Variants in COL6A6 observed in about 807,000 individuals in gnomAD.
The protein encoded by COL6A6 is collagen alpha-6(VI) chain.
A neutral mutation model predicts 208.6 loss-of-function variants in COL6A6; 183 were observed. That is an observed-to-expected ratio of 0.88 (90% confidence interval 0.78 to 0.99). The LOEUF is 0.99. COL6A6 is among the 50% of genes least tolerant of loss of function. COL6A6 has a pLI of 0.00. For missense variants in COL6A6, 2,816 were observed against 2,815.2 expected (o/e 1.00, Z -0.01); for synonymous variants, 973 against 1,011.8 (o/e 0.96, Z 0.73).
At chr3:130,524,531 C>T (rs1473204022) in intron 1 of COL6A6, among the ~76,000 whole-genome samples, 1 of 151,876 alleles carries the variant, frequency 6.6e-6, no homozygotes, top group Non-Finnish European at 1.5e-5. Flanking sequence ...TGTTGGAGTC[C>T]CACCTCATTT....
chr3:130,615,091 C>T lies in COL6A6; in HGVS notation c.4815+4380C>T, dbSNP rs563260743. Among the ~76,000 whole-genome samples, 61 of 152,066 alleles carry T rather than the reference C, an allele frequency of 4.0e-4. 1 individual carries two copies. Among genetic ancestry groups the T allele is most frequent in the African/African-American group, 1.4e-3 (60 of 41,540 alleles). Reference sequence around the variant, plus strand: ...TGCATTTATTGCTATAAACTTCCCTCTTAACACTGCCTTATCTGCGTCCCA... The same window carrying T: ...TGCATTTATTGCTATAAACTTCCCTTTTAACACTGCCTTATCTGCGTCCCA... On this transcript the variant is annotated intron_variant, in intron 23 of 36. Coordinates refer to ENST00000358511, the MANE Select transcript of COL6A6 (RefSeq NM_001102608.3).
intron 25 of COL6A6, among the ~76,000 whole-genome samples, chr3:130,626,886 A>C (rs989144833): frequency 6.6e-6 from 1 of 152,260 alleles, no homozygotes; most frequent in East Asian, 1.9e-4. Context: ...CCCACTGCTC[A>C]GGGTTTCTAC....
chr3:130,559,343 C>T (rs1323850634), intron 1 of COL6A6, among the ~76,000 whole-genome samples: 2 of 152,124 alleles, frequency 1.3e-5, no homozygotes, highest in Non-Finnish European at 2.9e-5. Context: ...AACTCTACAT[C>T]GTCTAGACTT....
At chr3:130,576,004 C>A (rs1193495030) in intron 8 of COL6A6, among the ~76,000 whole-genome samples, 1 of 152,228 alleles carries the variant, frequency 6.6e-6, no homozygotes, top group African/African-American at 2.4e-5. Context: ...GCTGAGGTTT[C>A]TCTGTCCCCT....
chr3:130,566,341 G>A (rs937554000), intron 4 of COL6A6, among the ~76,000 whole-genome samples: 50 of 152,152 alleles, frequency 3.3e-4, no homozygotes, highest in Admixed American at 3.9e-4. Context: ...TTAAATACCT[G>A]TCCAGTTAAA....
At chr3:130,560,255 A>G in intron 1 of COL6A6, 79 bp from the exon 2 acceptor site, 1 of 824,420 alleles carries the variant, frequency 1.2e-6, no homozygotes, top group Non-Finnish European at 1.9e-6. Context: ...TTTATTATAT[A>G]ATTTTGTATG....
chr3:130,615,852 T>C (rs1033712857), intron 23 of COL6A6, among the ~76,000 whole-genome samples: 27 of 152,194 alleles, frequency 1.8e-4, no homozygotes, highest in Admixed American at 1.6e-3. Context: ...CCACTGGCTG[T>C]GCAGAGCACG....
intron 36 of COL6A6, among the ~76,000 whole-genome samples, chr3:130,669,211 A>G (rs1325517922): frequency 6.6e-6 from 1 of 152,178 alleles, no homozygotes; most frequent in Non-Finnish European, 1.5e-5. Flanking sequence ...CCTGGCCAAC[A>G]TGGCAAAACC....
At chr3:130,673,221 A>AAAAAAAAAACCC (rs1553724903) in intron 36 of COL6A6, among the ~76,000 whole-genome samples, 64 of 117,052 alleles carry the variant, frequency 5.5e-4, no homozygotes, top group South Asian at 3.1e-3. Flanking sequence ...AAAAAACAAA[A>AAAAAAAAAACCC]AAAAAAAACA....
At chr3:130,524,022 G>T (rs9874670) in intron 1 of COL6A6, among the ~76,000 whole-genome samples, 51,574 of 151,966 alleles carry the variant, frequency 0.34, 11,204 homozygotes, top group African/African-American at 0.62. Context: ...TTCTCCACGA[G>T]TACTGTCATC....
rs1415038936 is a variant in COL6A6, at chr3:130,676,908, G to GT, written c.*1512dup. 1 of 152,182 alleles carries GT rather than the reference G, an allele frequency of 6.6e-6. No homozygotes were observed. Among genetic ancestry groups the GT allele is most frequent in the Non-Finnish European group, 1.5e-5 (1 of 68,032 alleles). The allele number at this position is 152,182 out of a possible 1,614,324, so 9.4% of individuals were successfully genotyped here. A position where few individuals can be genotyped will look rare whatever the true frequency, so the allele number is the denominator to read the frequency against. On this transcript the variant is annotated 3_prime_UTR_variant, in exon 37 of 37. Coordinates refer to ENST00000358511, the MANE Select transcript of COL6A6 (RefSeq NM_001102608.3). ...GAAATTAATGAGCAATATTTACAAT[G>GT]TATTTTAATAAAAGGGATTTTTCTA...
intron 18 of COL6A6, among the ~76,000 whole-genome samples, chr3:130,595,653 C>A (rs572651970): frequency 4.5e-4 from 68 of 152,132 alleles, no homozygotes; most frequent in Non-Finnish European, 7.8e-4. Flanking sequence ...AATTTCGTGG[C>A]TGCATTGCAT....
intron 24 of COL6A6, among the ~76,000 whole-genome samples, chr3:130,623,648 C>T (rs2064802785): frequency 6.6e-6 from 1 of 151,972 alleles, no homozygotes; most frequent in African/African-American, 2.4e-5. Flanking sequence ...TTGGGGGCTT[C>T]GTGTATGAGG....
In COL6A6 at chr3:130,649,391, C is replaced by A. The variant is rs1270237319; in HGVS notation, c.5562C>A (p.Phe1854Leu). 6.2e-7 allele frequency: 1 copy of A among 1,612,882 alleles called. No homozygotes were observed. The highest frequency in any genetic ancestry group is 8.5e-7 in the Non-Finnish European group (1 of 1,179,448). ...TGCGGTTTATTTCCAGGAATGTCTT[C>A]AAGCGGACGCTTCCGGGGGCACACA... ...RAMRFISRNV[F>L]KRTLPGAHTR... Residue 1854 changes from phenylalanine to leucine, a missense_variant, in exon 33 of 37, where the codon TTC becomes TTA. Transcript: ENST00000358511.
Position 130,665,212 on chromosome 3 carries a change from A to G in COL6A6, c.6596+116A>G, listed in dbSNP as rs561519485. On this transcript the variant is annotated intron_variant, in intron 36 of 36. Coordinates refer to ENST00000358511, the MANE Select transcript of COL6A6 (RefSeq NM_001102608.3). ...CTCCATCTTATTTGGACAAAAATCT[A>G]TTGCTACATGATATTAAAATATAAT... The G allele has an allele frequency of 2.4e-5, 15 of 619,834 alleles. No individual in the cohort carries two copies. In the South Asian group the frequency reaches 3.1e-4, roughly 13 times the overall value. 38.4% of individuals were successfully genotyped at this position (619,834 alleles called of 1,614,324 possible).
rs2063479902 is a variant in COL6A6 at position 130,583,929 on chromosome 3, A to G, written c.3970+1861A>G. ...CCTTAATTTCAGGCCGGGCATCAAT[A>G]TGTGTAAAGTATGCAATCATCACTG... On this transcript the variant is annotated intron_variant, in intron 10 of 36. Transcript: ENST00000358511. Among the ~76,000 whole-genome samples the G allele has an allele frequency of 3.3e-5, 5 of 152,190 alleles. No homozygotes were observed. The South Asian group carries it at 1.0e-3, about 32-fold the overall frequency.
chr3:130,531,033 C>CACAG (rs1472530698), intron 1 of COL6A6, among the ~76,000 whole-genome samples: 491 of 19,532 alleles, frequency 0.025, 6 homozygotes, highest in African/African-American at 0.06. Flanking sequence ...CACACACACA[C>CACAG]ACACAGACAC....
chr3:130,555,330 G>A (rs2062743449), intron 1 of COL6A6, among the ~76,000 whole-genome samples: 2 of 152,162 alleles, frequency 1.3e-5, no homozygotes, highest in African/African-American at 2.4e-5. Flanking sequence ...AAGACCTGGT[G>A]TGTGGTAGTC....
At chr3:130,598,947 G>A (rs535792420) in intron 19 of COL6A6, among the ~76,000 whole-genome samples, 20 of 152,262 alleles carry the variant, frequency 1.3e-4, no homozygotes, top group Admixed American at 8.5e-4. Context: ...TAAAAAATGC[G>A]TTACTGGATT....
Sources: allele counts gnomAD v4.1 joint callset (sites outside exome capture counted in the v4.1 genomes callset), GRCh38; gene constraint gnomAD v4.1.1; transcripts MANE v1.5; gene names NCBI Gene and HGNC (gene_info 2026-07-23, HGNC 2026-07-21).